Variants in CUBN observed in about 807,000 individuals in gnomAD.
CUBN encodes cubilin, also known as 460 kDa receptor.
Under a neutral mutation model 405.3 loss-of-function variants are expected in CUBN, and 282 were observed. The observed-to-expected ratio is 0.70, with a 90% CI of 0.63 to 0.77. CUBN has a LOEUF of 0.77. Among genes scored for constraint, CUBN ranks in the 30% least tolerant of loss-of-function variants. The pLI is 0.00. For missense variants in CUBN, 4,514 were observed against 4,475.2 expected (o/e 1.01, Z -0.25); for synonymous variants, 1,684 against 1,617.0 (o/e 1.04, Z -0.99).
chr10:16,967,783 G>GAGAAGGAGAGACGGAGAGAGAA (rs1843434047), intron 31 of CUBN, among the ~76,000 whole-genome samples: 1 of 147,014 alleles, frequency 6.8e-6, no homozygotes, highest in Non-Finnish European at 1.5e-5. Context: ...GAGAAAGAGA[G>GAGAAGGAGAGACGGAGAGAGAA]AGAAGGAGAG....
chr10:17,068,275 C>T lies in CUBN; in HGVS notation c.2797G>A (p.Gly933Arg), dbSNP rs922057596. Residue 933 changes from glycine to arginine, a missense_variant, in exon 21 of 67, where the codon GGA (glycine) becomes AGA (arginine). Transcript: ENST00000377833. ...AKFSAEDLAC[G>R]EILTESTGTI... ...CCTGTTGATTCTGTAAGAATTTCTC[C>T]ACATGCTGTTGAAATAAAAATTATA... is the stretch of plus-strand genomic sequence containing the variant. 6 of 1,613,522 alleles carry T rather than the reference C, an allele frequency of 3.7e-6. No individual in the cohort carries two copies. The highest frequency in any genetic ancestry group is 5.1e-6 in the Non-Finnish European group (6 of 1,179,580).
intron 18 of CUBN, 51 bp from the exon 19 acceptor site, chr10:17,071,655 T>C (rs1259549809): frequency 6.4e-7 from 1 of 1,573,448 alleles, no homozygotes; most frequent in Non-Finnish European, 8.7e-7. Context: ...AATAATTTTA[T>C]CTCAATTTTA....
At chr10:16,914,962 A>G (rs549650454) in intron 47 of CUBN, 70 bp downstream of exon 47, 4 of 1,351,484 alleles carry the variant, frequency 3.0e-6, no homozygotes, top group Admixed American at 1.8e-5. Context: ...ATATTTTAAC[A>G]CTGGTGCCTA....
At chr10:16,895,255 T>G (rs757787238) in intron 54 of CUBN, among the ~76,000 whole-genome samples, 4 of 152,146 alleles carry the variant, frequency 2.6e-5, no homozygotes, top group Non-Finnish European at 4.4e-5. Flanking sequence ...CAGGATATGA[T>G]CTACCTTGGA....
chr10:16,846,610 G>C (rs186550653), intron 60 of CUBN, among the ~76,000 whole-genome samples: 5 of 152,076 alleles, frequency 3.3e-5, no homozygotes, highest in East Asian at 3.9e-4. Flanking sequence ...TCAGGAGTTC[G>C]AGACAAGCCT....
At chr10:16,910,761 AT>A (rs1841706156) in intron 48 of CUBN, among the ~76,000 whole-genome samples, 1 of 151,070 alleles carries the variant, frequency 6.6e-6, no homozygotes, top group Non-Finnish European at 1.5e-5. Context: ...TTATTAATAT[AT>A]TCATATATAT....
rs1343190952 is a variant in CUBN, at chr10:16,954,400, T to C, written c.4844A>G (p.Gln1615Arg). ...PSRQNRGFRA[Q>R]FRQACGGHIL... The stretch of plus-strand genomic sequence containing the variant: ...CACAGGGTACTTGCCTTGCCTGAAT[T>C]GAGCTCGGAAGCCTCTGTTCTGTCT... Residue 1615 changes from glutamine to arginine, a missense_variant, in exon 32 of 67, where the codon CAA (glutamine) becomes CGA (arginine). This residue lies in a region of CUBN where 1,613 missense variants were observed against 1,542.8 expected (regional missense o/e 1.05). Coordinates refer to ENST00000377833, the MANE Select transcript of CUBN (RefSeq NM_001081.4). The C allele has an allele frequency of 1.2e-6, 2 of 1,614,028 alleles. No homozygotes were observed. The highest frequency in any genetic ancestry group is 2.7e-5 in the African/African-American group (2 of 74,918).
At chr10:17,033,838 C>T (rs1466647119) in intron 27 of CUBN, among the ~76,000 whole-genome samples, 1 of 152,166 alleles carries the variant, frequency 6.6e-6, no homozygotes, top group East Asian at 1.9e-4. Flanking sequence ...GCTAGCATCA[C>T]TTTAAGTATT....
Position 17,115,562 on chromosome 10 carries a change from C to A in CUBN, c.629G>T (p.Cys210Phe). 1 of 1,614,214 alleles carries A rather than the reference C, an allele frequency of 6.2e-7. No individual in the cohort carries two copies. The stretch of plus-strand genomic sequence containing the variant: ...TTCACAGTCGTCATATTTGGATGCA[C>A]ACTGGGGTCCGTACGTCTCAGGTGG... ...HCPPETYGPQ[C>F]ASKYDDCEGG... The change falls in exon 7 of 67, where the codon TGT (cysteine) becomes TTT (phenylalanine). Residue 210 changes from cysteine (C) to phenylalanine (F), a missense_variant. By Grantham distance (205) the Cys-to-Phe change is radical. Around this residue, in one of 5 missense-constraint regions of CUBN, gnomAD observed 1,448 missense variants for 1,388.0 expected, o/e 1.04. Transcript: ENST00000377833.
chr10:17,007,035 C>G (rs1834045505), intron 28 of CUBN, among the ~76,000 whole-genome samples: 1 of 152,178 alleles, frequency 6.6e-6, no homozygotes. Context: ...GCTCCTTGAC[C>G]TTGTTTGTAT....
chr10:16,861,236 A>T (rs1840004031), intron 59 of CUBN, among the ~76,000 whole-genome samples: 1 of 150,132 alleles, frequency 6.7e-6, no homozygotes, highest in African/African-American at 2.5e-5. Context: ...ATCTCCACTC[A>T]CTGCAACCTC....
At position 16,851,851 on chromosome 10, in the gene CUBN, ACT is replaced by A. The variant is rs760758741; in HGVS notation, c.9455-410_9455-409del. Among the ~76,000 whole-genome samples, 6 of 25,394 alleles carry A rather than the reference ACT, an allele frequency of 2.4e-4. No individual in the cohort carries two copies. In the East Asian group the frequency reaches 4.9e-3, roughly 21 times the overall value. 16.7% of individuals were successfully genotyped at this position (25,394 alleles called of 152,430 possible). ...CCCTCACTCTGTCTTTCCCTCCCTC[ACT>A]CTCTTTCCCTCTCTCCCTCTATCTT... On this transcript the variant is annotated intron_variant, in intron 59 of 66. Coordinates refer to ENST00000377833, the MANE Select transcript of CUBN (RefSeq NM_001081.4).
In CUBN at chr10:17,008,429, C is replaced by CGTGTGTGTGTGTGT. The variant is rs59235819; in HGVS notation, c.4168+11390_4168+11403dup. Among the ~76,000 whole-genome samples the CGTGTGTGTGTGTGT allele has an allele frequency of 4.6e-3, 608 of 131,602 alleles. 2 individuals are homozygous for CGTGTGTGTGTGTGT. Among genetic ancestry groups the CGTGTGTGTGTGTGT allele is most frequent in the Admixed American group, 0.015 (194 of 12,828 alleles). The allele number at this position is 131,602 out of a possible 152,430, so 86.3% of individuals were successfully genotyped here. ...GCCCCATGGCTGCAGAATCCCTGCT[C>CGTGTGTGTGTGTGT]GTGTGTGTGTGTGTGTGTGTGTGTG... On this transcript the variant is annotated intron_variant, in intron 28 of 66. Coordinates refer to ENST00000377833, the MANE Select transcript of CUBN (RefSeq NM_001081.4).
chr10:17,011,579 G>T (rs1379214315), intron 28 of CUBN, among the ~76,000 whole-genome samples: 1 of 152,136 alleles, frequency 6.6e-6, no homozygotes, highest in Non-Finnish European at 1.5e-5. Context: ...AGCTTCCACA[G>T]CGTGGAAGGG....
rs139026375 is a variant in CUBN at position 16,872,536 on chromosome 10, G to A, written c.9236+1838C>T. 8.8e-4 allele frequency among the ~76,000 whole-genome samples: 134 copies of A among 152,140 alleles called. No individual in the cohort carries two copies. The East Asian group carries it at 0.011, about 13-fold the overall frequency. ...CATGGGGGAGGACCCCTCACAAATG[G>A]GATTAGTGTTTTATAAGAGGCCCTT... On this transcript the variant is annotated intron_variant, in intron 58 of 66. Coordinates refer to ENST00000377833, the MANE Select transcript of CUBN (RefSeq NM_001081.4).
At position 17,129,782 on chromosome 10, in the gene CUBN, C is replaced by T; in HGVS notation, c.-17G>A. 6.2e-7 allele frequency: 1 copy of T among 1,613,632 alleles called. No homozygotes were observed. The highest frequency in any genetic ancestry group is 1.3e-5 in the African/African-American group (1 of 75,036). On this transcript the variant is annotated 5_prime_UTR_variant, in exon 1 of 67. Coordinates refer to ENST00000377833, the MANE Select transcript of CUBN (RefSeq NM_001081.4). ...GTTCATCATCAACCTCCCAGGTTGG[C>T]AGGTAAGAGTGAGGCCACTCCAACC... is the stretch of plus-strand genomic sequence containing the variant.
intron 64 of CUBN, among the ~76,000 whole-genome samples, chr10:16,833,947 A>G (rs1428536018): frequency 2.0e-5 from 3 of 152,180 alleles, no homozygotes; most frequent in Non-Finnish European, 2.9e-5. Context: ...CTTTTTGGAA[A>G]CTTTACTGAA....
At chr10:16,914,925 G>C in intron 47 of CUBN, 107 bp downstream of exon 47, 2 of 963,744 alleles carry the variant, frequency 2.1e-6, no homozygotes, top group Non-Finnish European at 3.2e-6. Flanking sequence ...CAAGAAAATA[G>C]GGGTCATGTT....
intron 27 of CUBN, among the ~76,000 whole-genome samples, chr10:17,026,233 T>G: frequency 6.6e-6 from 1 of 152,228 alleles, no homozygotes; most frequent in South Asian, 2.1e-4. Context: ...TGCTGAGGTT[T>G]GCACTCACAT....
Sources: gnomAD v4.1 joint callset for allele counts (sites outside exome capture counted in the v4.1 genomes callset) on GRCh38, gnomAD v4.1.1 for gene constraint, gnomAD v4.1.1 regional missense constraint, MANE v1.5 for transcripts, NCBI Gene and HGNC (gene_info 2026-07-23, HGNC 2026-07-21) for gene names.